The following EPDR1 variants were observed in gnomAD, a reference collection of about 807,000 sequenced individuals.
EPDR1 encodes the protein mammalian ependymin-related protein 1.
A neutral mutation model predicts 23.7 loss-of-function variants in EPDR1; 27 were observed. That is an observed-to-expected ratio of 1.14 (90% CI 0.84 to 1.57). The LOEUF (loss-of-function observed/expected upper bound fraction) is 1.57. Ranked by LOEUF, EPDR1 falls within the 40% of genes most tolerant of loss-of-function variation. EPDR1 has a pLI of 0.00. For missense variants in EPDR1, 349 were observed against 290.4 expected (o/e 1.20, Z -1.47); for synonymous variants, 137 against 118.2 (o/e 1.16, Z -1.03).
chr7:37,947,659 G>T lies in EPDR1; in HGVS notation c.270-1181G>T, dbSNP rs144558192. On this transcript the variant is annotated intron_variant, in intron 1 of 2. Transcript: ENST00000199448. ...GGCTCTTCAGCCCTCAAGTGTTGCA[G>T]ATTTCACTTTCTGAGGTCATGGCTG... Among the ~76,000 whole-genome samples, 425 of 152,282 alleles carry T rather than the reference G, an allele frequency of 2.8e-3. 1 individual carries two copies. The highest frequency in any genetic ancestry group is 9.7e-3 in the African/African-American group (405 of 41,552).
At chr7:37,930,506 G>T (rs963484832) in intron 1 of EPDR1, among the ~76,000 whole-genome samples, 6 of 152,228 alleles carry the variant, frequency 3.9e-5, no homozygotes, top group African/African-American at 1.2e-4. Context: ...GGCATGGATT[G>T]TGTTTCCTGT....
chr7:37,948,819 T>G (rs1195927506), intron 1 of EPDR1, 21 bp from the exon 2 acceptor site: 1 of 1,606,260 alleles, frequency 6.2e-7, no homozygotes. Flanking sequence ...CCCAAACTAC[T>G]TCTTTCCATC....
chr7:37,926,864 C>A, intron 1 of EPDR1: 1 of 315,740 alleles, frequency 3.2e-6, no homozygotes, highest in Non-Finnish European at 6.6e-6. Context: ...CTTCATTAAT[C>A]TTCTGAATTA....
At chr7:37,928,720 C>T (rs761701274) in intron 1 of EPDR1, among the ~76,000 whole-genome samples, 5 of 152,092 alleles carry the variant, frequency 3.3e-5, no homozygotes, top group Non-Finnish European at 7.4e-5. Context: ...AGCCTTTTTG[C>T]TCTTTCTGCT....
chr7:37,939,651 GT>G (rs961737525), intron 1 of EPDR1, among the ~76,000 whole-genome samples: 3 of 152,070 alleles, frequency 2.0e-5, no homozygotes, highest in African/African-American at 7.2e-5. Flanking sequence ...TCCATGCATA[GT>G]TTTTTCATAA....
In EPDR1 at chr7:37,949,009, A is replaced by G. The variant is rs79772683; in HGVS notation, c.439A>G (p.Thr147Ala). Residue 147 changes from threonine (T) to alanine (A), a missense_variant, in exon 2 of 3, where the codon ACC becomes GCC. Thr to Ala is a moderately conservative substitution (Grantham distance 58). Transcript: ENST00000199448. The stretch of plus-strand genomic sequence containing the variant: ...CATCGGGGGGCCTCAGGAGCAGATC[A>G]CCGTCCAGGAGTGGTCGGACAGAAA... Reference protein sequence around the residue: ...YSIGGPQEQITVQEWSDRKSA... With the variant: ...YSIGGPQEQIAVQEWSDRKSA... The G allele has an allele frequency of 5.1e-4, 822 of 1,614,164 alleles. 2 individuals carry two copies. Among genetic ancestry groups the G allele is most frequent in the African/African-American group, 3.5e-3 (265 of 75,044 alleles).
intron 1 of EPDR1, among the ~76,000 whole-genome samples, chr7:37,929,932 A>C (rs1380762129): frequency 4.6e-5 from 7 of 152,222 alleles, no homozygotes; most frequent in African/African-American, 1.4e-4. Context: ...AAGCACCCAC[A>C]GTTTCTCAGA....
In EPDR1 at chr7:37,951,810, T is replaced by C. The variant is rs952922538; in HGVS notation, c.*1414T>C. On this transcript the variant is annotated 3_prime_UTR_variant, in exon 3 of 3. Transcript: ENST00000199448. ...CTCATTACTTATAGTTTATCTATATTAAACAAATTTAATTGCATTTTAAAG... is the reference window on the plus strand; with the variant it reads ...CTCATTACTTATAGTTTATCTATATCAAACAAATTTAATTGCATTTTAAAG... The C allele has an allele frequency of 7.7e-6, 1 of 129,792 alleles. No homozygotes were observed. Among genetic ancestry groups the C allele is most frequent in the Admixed American group, 8.0e-5 (1 of 12,442 alleles). The allele number at this position is 129,792 out of a possible 1,614,324, so 8.0% of individuals were successfully genotyped here. A position where few individuals can be genotyped will look rare whatever the true frequency, so the allele number is the denominator to read the frequency against.
At chr7:37,932,190 A>G (rs1488134922) in intron 1 of EPDR1, among the ~76,000 whole-genome samples, 16 of 151,992 alleles carry the variant, frequency 1.1e-4, no homozygotes. Flanking sequence ...CTACAATAAT[A>G]CCCTCTAAGT....
intron 1 of EPDR1, among the ~76,000 whole-genome samples, chr7:37,948,442 C>T (rs1457097467): frequency 6.6e-6 from 1 of 151,610 alleles, no homozygotes; most frequent in Non-Finnish European, 1.5e-5. Context: ...CTCCCAGGCT[C>T]AAGTGATCCT....
chr7:37,926,404 C>A (rs1341531271), intron 1 of EPDR1, among the ~76,000 whole-genome samples: 1 of 150,234 alleles, frequency 6.7e-6, no homozygotes, highest in Non-Finnish European at 1.5e-5. Context: ...GAGATTAACA[C>A]CAGTTCATTT....
intron 1 of EPDR1, among the ~76,000 whole-genome samples, chr7:37,936,017 T>TACAC (rs1483804564): frequency 8.5e-5 from 7 of 82,696 alleles, no homozygotes; most frequent in African/African-American, 1.9e-4. Context: ...TATATATATA[T>TACAC]ATATATATAT....
intron 1 of EPDR1, among the ~76,000 whole-genome samples, chr7:37,939,830 A>G (rs1562861727): frequency 6.6e-6 from 1 of 152,230 alleles, no homozygotes; most frequent in African/African-American, 2.4e-5. Flanking sequence ...GAAAAAAGGC[A>G]CTATAATATA....
intron 1 of EPDR1, among the ~76,000 whole-genome samples, chr7:37,928,914 C>T (rs977516897): frequency 6.6e-6 from 1 of 152,168 alleles, no homozygotes; most frequent in Admixed American, 6.5e-5. Flanking sequence ...GTCCCCACTT[C>T]GGACCTTGCT....
In EPDR1 at chr7:37,944,357, C is replaced by T. The variant is rs574799258; in HGVS notation, c.270-4483C>T. Among the ~76,000 whole-genome samples the T allele has an allele frequency of 2.0e-4, 30 of 152,256 alleles. No homozygotes were observed. In the South Asian group the frequency reaches 5.8e-3, roughly 29 times the overall value. On this transcript the variant is annotated intron_variant, in intron 1 of 2. Coordinates refer to ENST00000199448, the MANE Select transcript of EPDR1 (RefSeq NM_017549.5). ...AGACCTCGGTTGCCATGACACAGGT[C>T]GAGATGAAAGAATCTCATTGTCTCC...
intron 1 of EPDR1, among the ~76,000 whole-genome samples, chr7:37,932,418 C>T (rs1368018469): frequency 2.0e-5 from 3 of 152,146 alleles, no homozygotes; most frequent in Non-Finnish European, 4.4e-5. Context: ...ACCACAGGCC[C>T]TTGCTACTAT....
intron 1 of EPDR1, among the ~76,000 whole-genome samples, chr7:37,939,479 A>C (rs1389975965): frequency 6.6e-6 from 1 of 152,128 alleles, no homozygotes; most frequent in Non-Finnish European, 1.5e-5. Context: ...CCTTATAATA[A>C]ATTTAATATT....
At chr7:37,944,385 T>G (rs1029172114) in intron 1 of EPDR1, among the ~76,000 whole-genome samples, 3 of 152,212 alleles carry the variant, frequency 2.0e-5, no homozygotes, top group African/African-American at 2.4e-5. Flanking sequence ...TTGTCTCCTC[T>G]CTGGTCTAGT....
intron 1 of EPDR1, among the ~76,000 whole-genome samples, chr7:37,940,857 A>G (rs1162851319): frequency 6.6e-6 from 1 of 152,046 alleles, no homozygotes; most frequent in Non-Finnish European, 1.5e-5. Context: ...ATGTCATCTC[A>G]ATGGCAATGA....
Sources: gnomAD v4.1 joint callset for allele counts (sites outside exome capture counted in the v4.1 genomes callset) on GRCh38, gnomAD v4.1.1 for gene constraint, MANE v1.5 for transcripts, NCBI Gene and HGNC (gene_info 2026-07-23, HGNC 2026-07-21) for gene names.